Variants in PCDHGB4 observed in about 807,000 individuals in gnomAD.
PCDHGB4 encodes protocadherin gamma-B4.
In PCDHGB4, 38 loss-of-function variants were observed where a neutral mutation model predicts 60.5. The observed-to-expected ratio is 0.63, with a 90% CI of 0.48 to 0.82. PCDHGB4 has a LOEUF of 0.82. Among genes scored for constraint, PCDHGB4 ranks in the 40% least tolerant of loss-of-function variants. PCDHGB4 has a pLI of 0.00. For synonymous variants in PCDHGB4, 456 were observed against 509.7 expected (o/e 0.89, Z 1.42); for missense variants, 1,109 against 1,209.6 (o/e 0.92, Z 1.23).
rs2099615088 is a variant in PCDHGB4, at chr5:141,485,526, G to A, written c.2398-9281G>A. On this transcript the variant is annotated intron_variant, in intron 1 of 3. Coordinates refer to ENST00000519479, the MANE Select transcript of PCDHGB4 (RefSeq NM_003736.4). The surrounding 1 kb of genome is among the most constrained non-coding windows in gnomAD (Gnocchi z 5.7). Reference sequence around the variant, plus strand: ...ACCGAAGGTCCTTTGGAAATGTACCGAGCAGAGGTAGAGATCGTAGATGTG... The same window carrying A: ...ACCGAAGGTCCTTTGGAAATGTACCAAGCAGAGGTAGAGATCGTAGATGTG... 6.2e-7 allele frequency: 1 copy of A among 1,614,154 alleles called. No individual in the cohort carries two copies. The highest frequency in any genetic ancestry group is 2.2e-5 in the East Asian group (1 of 44,880).
Position 141,491,498 on chromosome 5 carries a change from C to G in PCDHGB4, c.2398-3309C>G. Reference sequence around the variant, plus strand: ...TCCAGCCCCAACCTGCAGGTGAGCTCGGACGGCACGCTCAAGTACATGGAG... The same window carrying G: ...TCCAGCCCCAACCTGCAGGTGAGCTGGGACGGCACGCTCAAGTACATGGAG... On this transcript the variant is annotated intron_variant, in intron 1 of 3. Transcript: ENST00000519479. The surrounding 1 kb of genome is among the most constrained non-coding windows in gnomAD (Gnocchi z 6.9). The G allele has an allele frequency of 6.2e-7, 1 of 1,614,102 alleles. No homozygotes were observed. Among genetic ancestry groups the G allele is most frequent in the Non-Finnish European group, 8.5e-7 (1 of 1,180,018 alleles).
At position 141,390,017 on chromosome 5, in the gene PCDHGB4, G is replaced by C. The variant is rs2092015490; in HGVS notation, c.2133G>C (p.Leu711Phe). ...FLVAMILAIA[L>F]RLRRSSSPAS... Reference sequence around the variant, plus strand: ...TGGCCATGATTCTGGCCATTGCCTTGCGCCTGCGACGCTCCTCCAGCCCCG... The same window carrying C: ...TGGCCATGATTCTGGCCATTGCCTTCCGCCTGCGACGCTCCTCCAGCCCCG... Residue 711 changes from leucine to phenylalanine, a missense_variant, in exon 1 of 4, where the codon TTG becomes TTC. Physicochemically the swap from Leu to Phe is conservative, Grantham distance 22 (BLOSUM62 0). Transcript: ENST00000519479. 1.9e-6 allele frequency: 3 copies of C among 1,613,898 alleles called. No homozygotes were observed. The South Asian group carries it at 3.3e-5, about 18-fold the overall frequency.
At chr5:141,474,419 A>AT (rs1348108901) in intron 1 of PCDHGB4, among the ~76,000 whole-genome samples, 1 of 152,204 alleles carries the variant, frequency 6.6e-6, no homozygotes, top group Non-Finnish European at 1.5e-5. Context: ...TGCCTAGACC[A>AT]TTGGTCCTCA....
At chr5:141,455,789 G>A (rs966897617) in intron 1 of PCDHGB4, among the ~76,000 whole-genome samples, 56 of 152,058 alleles carry the variant, frequency 3.7e-4, no homozygotes, top group African/African-American at 1.3e-3. Context: ...AACTTTTCCG[G>A]AGATGCTTTA....
chr5:141,478,517 T>G (rs1593923092), intron 1 of PCDHGB4: 1 of 1,611,116 alleles, frequency 6.2e-7, no homozygotes, highest in Non-Finnish European at 8.5e-7. Context: ...TAGGCAGGTG[T>G]TGGGTGCAGA....
intron 1 of PCDHGB4, chr5:141,394,120 C>T: frequency 5.0e-6 from 8 of 1,613,954 alleles, no homozygotes; most frequent in Non-Finnish European, 5.9e-6. Context: ...TCCACTGAAA[C>T]TCAAATCGCT....
At chr5:141,473,167 C>T (rs1360150717) in intron 1 of PCDHGB4, among the ~76,000 whole-genome samples, 2 of 152,122 alleles carry the variant, frequency 1.3e-5, no homozygotes. Flanking sequence ...TAGGAAGGCC[C>T]ACTGGTAACT....
chr5:141,394,475 C>T (rs1205262995), intron 1 of PCDHGB4: 1 of 1,614,242 alleles, frequency 6.2e-7, no homozygotes, highest in South Asian at 1.1e-5. Context: ...TCGTGCTGGA[C>T]CAGAATGACA....
rs1231863269 is a variant in PCDHGB4 at position 141,485,594 on chromosome 5, G to A, written c.2398-9213G>A. 1.9e-6 allele frequency: 3 copies of A among 1,612,578 alleles called. No individual in the cohort carries two copies. The highest frequency in any genetic ancestry group is 2.5e-6 in the Non-Finnish European group (3 of 1,178,798). On this transcript the variant is annotated intron_variant, in intron 1 of 3. Transcript: ENST00000519479. The surrounding 1 kb of genome is among the most constrained non-coding windows in gnomAD (Gnocchi z 5.7). ...TTTTCCGCGGCAGCAGCTGGACTTGGAAATTGGGGAGGCAGCTCCTCCAGG... is the reference window on the plus strand; with the variant it reads ...TTTTCCGCGGCAGCAGCTGGACTTGAAAATTGGGGAGGCAGCTCCTCCAGG...
chr5:141,395,157 C>G, intron 1 of PCDHGB4: 2 of 1,614,174 alleles, frequency 1.2e-6, no homozygotes, highest in Non-Finnish European at 1.7e-6. Context: ...GCTCATCAGT[C>G]AGGAGGGCTG....
chr5:141,458,633 A>C (rs548586597), intron 1 of PCDHGB4, among the ~76,000 whole-genome samples: 12 of 151,884 alleles, frequency 7.9e-5, no homozygotes, highest in Non-Finnish European at 1.5e-4. Flanking sequence ...GCAGTGGCAC[A>C]ATCCCAGCTC....
chr5:141,413,809 C>G, intron 1 of PCDHGB4: 1 of 1,613,188 alleles, frequency 6.2e-7, no homozygotes. Flanking sequence ...AGAGGCCATT[C>G]ACCACCTGGT....
intron 1 of PCDHGB4, chr5:141,398,960 C>A (rs779158655): frequency 3.1e-6 from 5 of 1,613,986 alleles, no homozygotes. Flanking sequence ...TCAGAAATTA[C>A]TTATTCCTTC....
At chr5:141,411,341 G>A (rs903980826) in intron 1 of PCDHGB4, 4 of 152,064 alleles carry the variant, frequency 2.6e-5, no homozygotes, top group Admixed American at 6.5e-5. Context: ...AGGCTGAATC[G>A]GAAAGTATCA....
At chr5:141,398,746 T>TAC in intron 1 of PCDHGB4, 1 of 1,613,420 alleles carries the variant, frequency 6.2e-7, no homozygotes, top group South Asian at 1.1e-5. Context: ...ACAACAGAGT[T>TAC]ACCATCGTTT....
intron 1 of PCDHGB4, among the ~76,000 whole-genome samples, chr5:141,435,099 TA>T (rs892317840): frequency 2.0e-5 from 3 of 152,260 alleles, no homozygotes; most frequent in African/African-American, 7.2e-5. Context: ...TCTGTTTATC[TA>T]GGGGGGAGAA....
At chr5:141,404,614 C>T in intron 1 of PCDHGB4, 5 of 1,614,078 alleles carry the variant, frequency 3.1e-6, no homozygotes, top group Non-Finnish European at 4.2e-6. Context: ...TTGTTTTGGA[C>T]CAGAATGACA....
intron 1 of PCDHGB4, chr5:141,394,001 G>T: frequency 6.2e-7 from 1 of 1,613,458 alleles, no homozygotes; most frequent in Non-Finnish European, 8.5e-7. Flanking sequence ...AATTAGAAAA[G>T]TCAATAGGTA....
Position 141,389,614 on chromosome 5 carries a change from C to G in PCDHGB4, c.1730C>G (p.Pro577Arg). Residue 577 changes from proline to arginine, a missense_variant, in exon 1 of 4, where the codon CCG (proline) becomes CGG (arginine). Coordinates refer to ENST00000519479, the MANE Select transcript of PCDHGB4 (RefSeq NM_003736.4). ...GGCTCTGCGCTCTTCGATATGGTGC[C>G]GCACGCTGCAGAGCCTGGCTACTTG... ...PDGSALFDMV[P>R]HAAEPGYLVT... The G allele has an allele frequency of 6.2e-7, 1 of 1,613,062 alleles. No individual in the cohort carries two copies. Among genetic ancestry groups the G allele is most frequent in the South Asian group, 1.1e-5 (1 of 91,064 alleles).
Sources: allele counts gnomAD v4.1 joint callset (sites outside exome capture counted in the v4.1 genomes callset), GRCh38; gene constraint gnomAD v4.1.1; non-coding constraint Gnocchi (gnomAD v3.1); transcripts MANE v1.5; gene names NCBI Gene and HGNC (gene_info 2026-07-23, HGNC 2026-07-21).